The following HPSE2 variants were observed in gnomAD, a reference collection of about 807,000 sequenced individuals.
The protein encoded by HPSE2 is heparanase 2 (inactive).
Under a neutral mutation model 60.5 loss-of-function variants are expected in HPSE2, and 38 were observed. The ratio of observed to expected loss-of-function variants is 0.63; its 90% CI spans 0.48 to 0.82. The LOEUF is 0.82. Ranked by LOEUF, HPSE2 falls within the 40% of genes least tolerant of loss-of-function variation. The probability of loss-of-function intolerance (pLI) is 0.00; values close to 1 mark genes in which losing one functional copy is unlikely to be tolerated. For synonymous variants in HPSE2, 295 were observed against 293.2 expected (o/e 1.01, Z -0.06); for missense variants, 713 against 740.4 (o/e 0.96, Z 0.43).
intron 9 of HPSE2, among the ~76,000 whole-genome samples, chr10:98,531,908 T>C (rs762904783): frequency 4.6e-5 from 7 of 152,188 alleles, no homozygotes; most frequent in Non-Finnish European, 1.0e-4. Context: ...CCTAAACTCA[T>C]AGGGTTGTTG....
At chr10:99,008,096 G>A (rs574520938) in intron 3 of HPSE2, among the ~76,000 whole-genome samples, 3 of 152,284 alleles carry the variant, frequency 2.0e-5, no homozygotes, top group South Asian at 2.1e-4. Flanking sequence ...GCAGCTGAAG[G>A]CTAGAACCCA....
chr10:98,854,320 A>G (rs930015064), intron 3 of HPSE2, among the ~76,000 whole-genome samples: 19 of 152,310 alleles, frequency 1.2e-4, no homozygotes, highest in Admixed American at 3.9e-4. Flanking sequence ...ATGAATTGCT[A>G]AAAGTGCTGG....
the HPSE2 span, among the ~76,000 whole-genome samples, chr10:99,276,781 T>C: frequency 6.6e-6 from 1 of 152,144 alleles, no homozygotes; most frequent in Non-Finnish European, 1.5e-5. Flanking sequence ...GCCATTTAGT[T>C]CTACAGAAGT....
rs185584086 is a variant in HPSE2 at position 99,191,749 on chromosome 10, C to T, written c.448+40599G>A. On this transcript the variant is annotated intron_variant, in intron 2 of 11. Transcript: ENST00000370552. The stretch of plus-strand genomic sequence containing the variant: ...GAACATCCACAACCATCAACAACAT[C>T]CAGGAAAATATGACCTCACCAAAAG... 2.8e-3 allele frequency among the ~76,000 whole-genome samples: 423 copies of T among 152,270 alleles called. 2 individuals are homozygous for T. The highest frequency in any genetic ancestry group is 0.014 in the Middle Eastern group (4 of 294).
chr10:98,659,870 G>C (rs932894956), intron 6 of HPSE2, among the ~76,000 whole-genome samples: 1 of 152,192 alleles, frequency 6.6e-6, no homozygotes, highest in Non-Finnish European at 1.5e-5. Context: ...GGTTCACTTA[G>C]AGAAGAGGAA....
At chr10:98,504,641 T>C (rs1308699792) in intron 9 of HPSE2, among the ~76,000 whole-genome samples, 1 of 152,024 alleles carries the variant, frequency 6.6e-6, no homozygotes, top group Non-Finnish European at 1.5e-5. Flanking sequence ...AAAAACAAAA[T>C]TAGCTGGGCG....
chr10:98,877,029 T>G (rs1302794777), intron 3 of HPSE2, among the ~76,000 whole-genome samples: 1 of 151,852 alleles, frequency 6.6e-6, no homozygotes, highest in South Asian at 2.1e-4. Context: ...CTATTGAATA[T>G]TTTGTAAAAA....
chr10:99,100,380 G>A (rs945015828), intron 3 of HPSE2, among the ~76,000 whole-genome samples: 1 of 152,202 alleles, frequency 6.6e-6, no homozygotes, highest in African/African-American at 2.4e-5. Flanking sequence ...TCAACTGGAA[G>A]AAAGGGTATC....
At position 98,519,870 on chromosome 10, in the gene HPSE2, C is replaced by T. The variant is rs533041721; in HGVS notation, c.1321-29674G>A. Among the ~76,000 whole-genome samples, 7 of 152,302 alleles carry T rather than the reference C, an allele frequency of 4.6e-5. No homozygotes were observed. In the South Asian group the frequency reaches 1.5e-3, roughly 32 times the overall value. ...GAAAGCCTGTGGAACATTGCATTGT[C>T]CACAAGCTATTTTGCAGCTGCTTCA... On this transcript the variant is annotated intron_variant, in intron 9 of 11. Transcript: ENST00000370552.
intron 3 of HPSE2, among the ~76,000 whole-genome samples, chr10:99,078,373 A>G (rs547908818): frequency 6.6e-6 from 1 of 152,270 alleles, no homozygotes; most frequent in East Asian, 1.9e-4. Flanking sequence ...CTAATATAAT[A>G]TGGGATGGTA....
chr10:99,179,239 T>C (rs557182090), intron 2 of HPSE2, among the ~76,000 whole-genome samples: 3 of 152,294 alleles, frequency 2.0e-5, no homozygotes, highest in South Asian at 2.1e-4. Context: ...TAACCATTGC[T>C]ATTCAACATA....
intron 2 of HPSE2, among the ~76,000 whole-genome samples, chr10:99,159,447 G>A (rs774682485): frequency 1.4e-4 from 21 of 152,208 alleles, no homozygotes; most frequent in African/African-American, 3.9e-4. Flanking sequence ...TTGGTTATAC[G>A]AATTCATATA....
At chr10:98,501,711 A>C (rs1942034284) in intron 9 of HPSE2, among the ~76,000 whole-genome samples, 1 of 152,188 alleles carries the variant, frequency 6.6e-6, no homozygotes, top group South Asian at 2.1e-4. Context: ...GCAATCAGAC[A>C]AGAGAAAGAA....
chr10:98,553,348 GTTATC>G (rs1402410266), intron 9 of HPSE2, among the ~76,000 whole-genome samples: 1 of 152,132 alleles, frequency 6.6e-6, no homozygotes, highest in African/African-American at 2.4e-5. Context: ...TACTTTATGT[GTTATC>G]TTAGTTTGCG....
chr10:99,120,533 G>A (rs765305232), intron 3 of HPSE2, among the ~76,000 whole-genome samples: 8 of 150,694 alleles, frequency 5.3e-5, no homozygotes, highest in African/African-American at 1.2e-4. Flanking sequence ...GACTGCAATC[G>A]TGCGATCTTG....
At chr10:99,070,068 T>G (rs984742562) in intron 3 of HPSE2, among the ~76,000 whole-genome samples, 1 of 152,126 alleles carries the variant, frequency 6.6e-6, no homozygotes, top group Non-Finnish European at 1.5e-5. Context: ...TTTCTGTGCA[T>G]TAAGAATGTA....
In HPSE2 at chr10:98,739,892, C is replaced by T. The variant is rs369963245; in HGVS notation, c.784+3991G>A. Reference sequence around the variant, plus strand: ...AATTTTTGTGATTAAGTATAGCTCTCTAGAGAACAAACACCATTTCCCTGA... The same window carrying T: ...AATTTTTGTGATTAAGTATAGCTCTTTAGAGAACAAACACCATTTCCCTGA... On this transcript the variant is annotated intron_variant, in intron 4 of 11. Coordinates refer to ENST00000370552, the MANE Select transcript of HPSE2 (RefSeq NM_021828.5). Among the ~76,000 whole-genome samples the T allele has an allele frequency of 8.5e-5, 13 of 152,184 alleles. No homozygotes were observed. In the East Asian group the frequency reaches 9.7e-4, roughly 11 times the overall value.
upstream of HPSE2, among the ~76,000 whole-genome samples, chr10:99,240,409 CTT>C (rs1300852308): frequency 4.3e-5 from 5 of 117,162 alleles, no homozygotes; most frequent in Admixed American, 8.6e-5. Context: ...CAATGATTTT[CTT>C]TTTTTTTTTT....
chr10:98,972,725 C>T (rs973941577), intron 3 of HPSE2, among the ~76,000 whole-genome samples: 1 of 152,180 alleles, frequency 6.6e-6, no homozygotes, highest in African/African-American at 2.4e-5. Flanking sequence ...ACCACTCCCT[C>T]AATACTCTGC....
Sources: allele counts gnomAD v4.1 joint callset (sites outside exome capture counted in the v4.1 genomes callset), GRCh38; gene constraint gnomAD v4.1.1; transcripts MANE v1.5; gene names NCBI Gene and HGNC (gene_info 2026-07-23, HGNC 2026-07-21).